The following SDK2 variants were observed in gnomAD, a reference collection of about 807,000 sequenced individuals.
The protein encoded by SDK2 is sidekick cell adhesion molecule 2, also known as protein sidekick-2.
In SDK2, 105 loss-of-function variants were observed where a neutral mutation model predicts 253.9. The observed-to-expected ratio is 0.41, with a 90% CI of 0.35 to 0.49. SDK2 has a LOEUF of 0.49. Among genes scored for constraint, SDK2 ranks in the 20% least tolerant of loss-of-function variants. The pLI, the probability that SDK2 is intolerant of heterozygous loss-of-function variation, is 0.06. For synonymous variants in SDK2, 1,249 were observed against 1,234.9 expected, an observed-to-expected ratio of 1.01 and a Z score of -0.24; for missense variants, 2,608 against 3,003.0, an observed-to-expected ratio of 0.87 and a Z score of 3.07.
chr17:73,607,848 T>C, intron 1 of SDK2, among the ~76,000 whole-genome samples: 1 of 141,154 alleles, frequency 7.1e-6, no homozygotes, highest in East Asian at 2.0e-4. Context: ...TTCTGTGTGC[T>C]TTTTTTTTTT....
At chr17:73,398,511 G>A in intron 22 of SDK2, 82 bp from the exon 23 acceptor site, 1 of 1,246,018 alleles carries the variant, frequency 8.0e-7, no homozygotes, top group Non-Finnish European at 1.1e-6. Context: ...AGCCCTGCCA[G>A]GGAAGAAGTT....
chr17:73,399,433 C>T lies in SDK2; in HGVS notation c.2972-144G>A, dbSNP rs1392523630. 1.1e-5 allele frequency: 9 copies of T among 853,092 alleles called. No homozygotes were observed. In the East Asian group the frequency reaches 1.6e-4, roughly 15 times the overall value. 52.8% of individuals were successfully genotyped at this position (853,092 alleles called of 1,614,324 possible). A position where few individuals can be genotyped will look rare whatever the true frequency, so the allele number is the denominator to read the frequency against. Reference sequence around the variant, plus strand: ...GAAGCACAGCCACGGCCCCACTCCACCCACAGTCTTTGTTCCTGTGTCTTA... The same window carrying T: ...GAAGCACAGCCACGGCCCCACTCCATCCACAGTCTTTGTTCCTGTGTCTTA... On this transcript the variant is annotated intron_variant, in intron 21 of 44. Coordinates refer to ENST00000392650, the MANE Select transcript of SDK2 (RefSeq NM_001144952.2).
chr17:73,421,088 C>G (rs760138367), intron 15 of SDK2, among the ~76,000 whole-genome samples: 7 of 152,234 alleles, frequency 4.6e-5, no homozygotes, highest in African/African-American at 1.2e-4. Flanking sequence ...CACTTTCAGC[C>G]TCTCTGTTGT....
chr17:73,515,192 C>CA (rs1372257571), intron 1 of SDK2, among the ~76,000 whole-genome samples: 4 of 152,188 alleles, frequency 2.6e-5, no homozygotes, highest in Non-Finnish European at 5.9e-5. Flanking sequence ...GCCACATAGA[C>CA]ATAAGCCAAG....
chr17:73,385,055 G>C (rs908256004), intron 32 of SDK2, among the ~76,000 whole-genome samples: 6 of 152,224 alleles, frequency 3.9e-5, no homozygotes, highest in Non-Finnish European at 8.8e-5. Flanking sequence ...GTCTTCAAGG[G>C]CTTTCCCTTT....
chr17:73,408,157 T>C (rs972521411), intron 18 of SDK2, among the ~76,000 whole-genome samples: 3 of 148,954 alleles, frequency 2.0e-5, no homozygotes, highest in Admixed American at 6.8e-5. Flanking sequence ...ATTCAAGCAA[T>C]TCTTCTGCCT....
chr17:73,359,046 C>A (rs1023667279), intron 39 of SDK2, among the ~76,000 whole-genome samples: 1 of 152,072 alleles, frequency 6.6e-6, no homozygotes. Context: ...AGAATCCCGA[C>A]CCCACATGCT....
At chr17:73,492,381 C>T (rs1351228311) in intron 2 of SDK2, among the ~76,000 whole-genome samples, 5 of 152,122 alleles carry the variant, frequency 3.3e-5, no homozygotes, top group African/African-American at 9.7e-5. Flanking sequence ...GCCGCGGTGG[C>T]TGGAGCCTGT....
At chr17:73,580,134 CG>C (rs1455460590) in intron 1 of SDK2, among the ~76,000 whole-genome samples, 3 of 152,156 alleles carry the variant, frequency 2.0e-5, no homozygotes, top group Admixed American at 2.0e-4. Context: ...TCCAGGACTG[CG>C]GAACAATTCA....
At chr17:73,632,161 T>G (rs555963825) in intron 1 of SDK2, among the ~76,000 whole-genome samples, 1 of 152,348 alleles carries the variant, frequency 6.6e-6, no homozygotes, top group Admixed American at 6.5e-5. Context: ...TGGTTAATAT[T>G]CAGTGTCAAC....
intron 24 of SDK2, among the ~76,000 whole-genome samples, chr17:73,397,315 G>C (rs538936568): frequency 3.3e-5 from 5 of 152,330 alleles, no homozygotes; most frequent in Non-Finnish European, 5.9e-5. Context: ...GAAGTGGCCT[G>C]TTCTCCAGAG....
intron 2 of SDK2, among the ~76,000 whole-genome samples, chr17:73,480,183 C>T (rs551087406): frequency 5.2e-4 from 79 of 152,314 alleles, no homozygotes; most frequent in African/African-American, 1.8e-3. Flanking sequence ...AAGTAACTTA[C>T]CCCAGGTCAC....
intron 1 of SDK2, among the ~76,000 whole-genome samples, chr17:73,568,845 C>T (rs1035461424): frequency 6.6e-6 from 1 of 152,130 alleles, no homozygotes; most frequent in Non-Finnish European, 1.5e-5. Flanking sequence ...ATCTTCAAAC[C>T]GCTGGACAGC....
In SDK2 at chr17:73,609,117, T is replaced by G. The variant is rs1037850153; in HGVS notation, c.64+34908A>C. ...GAAGGCCGCTGGAGGAAAGCCTTTT[T>G]GGGGAAGATCAGGAGTTTGCAAGAC... On this transcript the variant is annotated intron_variant, in intron 1 of 44. Transcript: ENST00000392650. This position sits in a 1 kb window ranked among gnomAD's most constrained non-coding sequence, Gnocchi z 4.4. Among the ~76,000 whole-genome samples the G allele has an allele frequency of 2.6e-5, 4 of 152,176 alleles. No individual in the cohort carries two copies. The East Asian group carries it at 7.7e-4, about 29-fold the overall frequency.
chr17:73,404,845 G>A (rs974557886), intron 18 of SDK2, among the ~76,000 whole-genome samples: 1 of 152,114 alleles, frequency 6.6e-6, no homozygotes. Flanking sequence ...CCCCCTTAGA[G>A]AGCAGAGGCC....
intron 7 of SDK2, 21 bp from the exon 8 acceptor site, chr17:73,437,843 G>A: frequency 6.2e-7 from 1 of 1,613,160 alleles, no homozygotes; most frequent in Non-Finnish European, 8.5e-7. Flanking sequence ...AAGGACCAGG[G>A]GAGGGGGTCA....
chr17:73,400,990 A>G (rs745453127), intron 21 of SDK2, 30 bp downstream of exon 21: 2 of 1,543,962 alleles, frequency 1.3e-6, no homozygotes, highest in South Asian at 2.4e-5. Context: ...GGAGAACTCA[A>G]AGAGTCCTGC....
intron 1 of SDK2, among the ~76,000 whole-genome samples, chr17:73,525,626 C>G (rs1265107621): frequency 6.6e-6 from 1 of 152,144 alleles, no homozygotes; most frequent in Non-Finnish European, 1.5e-5. Context: ...CCTCCTCTGC[C>G]TCTTCTCAGA....
In SDK2 at chr17:73,447,548, C is replaced by T; in HGVS notation, c.613+67G>A. The T allele has an allele frequency of 6.5e-7, 1 of 1,537,690 alleles. No individual in the cohort carries two copies. Among genetic ancestry groups the T allele is most frequent in the Non-Finnish European group, 8.8e-7 (1 of 1,135,844 alleles). On this transcript the variant is annotated intron_variant, in intron 5 of 44. Coordinates refer to ENST00000392650, the MANE Select transcript of SDK2 (RefSeq NM_001144952.2). This position sits in a 1 kb window ranked among gnomAD's most constrained non-coding sequence, Gnocchi z 4.0. ...TGCCACTCCATCTTCCCAATGATCC[C>T]CTGGAGCACCATTGCTAAGATTTAA...
Sources: gnomAD v4.1 joint callset for allele counts (sites outside exome capture counted in the v4.1 genomes callset) on GRCh38, gnomAD v4.1.1 for gene constraint, Gnocchi (gnomAD v3.1) non-coding constraint, MANE v1.5 for transcripts, NCBI Gene and HGNC (gene_info 2026-07-23, HGNC 2026-07-21) for gene names.